LRBA: variants seen among roughly 807,000 people sequenced by gnomAD.
LRBA encodes LPS responsive beige-like anchor protein.
A neutral mutation model predicts 330.0 loss-of-function variants in LRBA; 176 were observed. That is an observed-to-expected ratio of 0.53 (90% CI 0.47 to 0.60). The LOEUF is 0.60. Ranked by LOEUF, LRBA falls within the 20% of genes least tolerant of loss-of-function variation. The pLI, the probability that LRBA is intolerant of heterozygous loss-of-function variation, is 0.00. For missense variants in LRBA, 3,259 were observed against 3,444.8 expected (o/e 0.95, Z 1.35); for synonymous variants, 1,230 against 1,193.0 (o/e 1.03, Z -0.64).
intron 37 of LRBA, chr4:150,679,613 G>A (rs1031678728): frequency 2.6e-5 from 4 of 152,156 alleles, no homozygotes; most frequent in African/African-American, 9.7e-5. Flanking sequence ...ACAGAAAAAA[G>A]ATGAATGTCT....
At chr4:150,967,313 G>A (rs1050082152) in intron 2 of LRBA, among the ~76,000 whole-genome samples, 2 of 152,138 alleles carry the variant, frequency 1.3e-5, no homozygotes, top group African/African-American at 4.8e-5. Context: ...AACGCAAAAT[G>A]TCAAAAAGTC....
intron 32 of LRBA, among the ~76,000 whole-genome samples, chr4:150,807,985 C>T (rs1032418221): frequency 1.3e-5 from 2 of 152,064 alleles, no homozygotes; most frequent in Non-Finnish European, 2.9e-5. Context: ...ACAACAAATT[C>T]CACACTTTCA....
At chr4:150,950,404 C>G (rs182805670) in intron 2 of LRBA, among the ~76,000 whole-genome samples, 4 of 152,012 alleles carry the variant, frequency 2.6e-5, no homozygotes, top group Admixed American at 6.6e-5. Flanking sequence ...TACTTCAGTA[C>G]CCCAAATATT....
intron 38 of LRBA, among the ~76,000 whole-genome samples, chr4:150,597,846 A>G (rs1304905594): frequency 6.6e-6 from 1 of 152,106 alleles, no homozygotes; most frequent in Non-Finnish European, 1.5e-5. Context: ...CCTGTAGTTG[A>G]AGATGTAGGG....
intron 52 of LRBA, among the ~76,000 whole-genome samples, chr4:150,305,659 G>GT (rs1201007492): frequency 1.3e-5 from 2 of 152,186 alleles, no homozygotes; most frequent in Non-Finnish European, 1.5e-5. Context: ...TTTACACTGG[G>GT]TGTCAGGGAA....
At chr4:150,388,702 C>T (rs970057841) in intron 47 of LRBA, among the ~76,000 whole-genome samples, 3 of 152,168 alleles carry the variant, frequency 2.0e-5, no homozygotes, top group East Asian at 1.9e-4. Context: ...AGTGCTTAAA[C>T]TAGTTCATGA....
chr4:150,312,749 C>T (rs1313886347), intron 51 of LRBA, among the ~76,000 whole-genome samples: 1 of 151,798 alleles, frequency 6.6e-6, no homozygotes, highest in Non-Finnish European at 1.5e-5. Flanking sequence ...AATAATAAAC[C>T]ATAAAAATAA....
At chr4:150,572,854 C>CCATA (rs1581710366) in intron 40 of LRBA, among the ~76,000 whole-genome samples, 3 of 152,160 alleles carry the variant, frequency 2.0e-5, no homozygotes, top group Non-Finnish European at 4.4e-5. Flanking sequence ...CACCCATTAC[C>CCATA]CATACTACAA....
At chr4:150,269,936 C>A (rs1483940542) in intron 56 of LRBA, among the ~76,000 whole-genome samples, 1 of 152,050 alleles carries the variant, frequency 6.6e-6, no homozygotes, top group African/African-American at 2.4e-5. Context: ...AGAGTGAGAC[C>A]CTGTCTCAAA....
At chr4:150,759,472 T>C (rs1291409003) in intron 35 of LRBA, among the ~76,000 whole-genome samples, 1 of 152,230 alleles carries the variant, frequency 6.6e-6, no homozygotes, top group Non-Finnish European at 1.5e-5. Context: ...TGCTTTTCCA[T>C]ACATGCCCCT....
intron 30 of LRBA, among the ~76,000 whole-genome samples, chr4:150,817,472 T>G (rs190754479): frequency 1.3e-5 from 2 of 152,168 alleles, no homozygotes; most frequent in Admixed American, 1.3e-4. Context: ...AATAATCTAT[T>G]TAACATTTAA....
At chr4:150,461,998 C>T (rs1181712474) in intron 44 of LRBA, among the ~76,000 whole-genome samples, 1 of 151,756 alleles carries the variant, frequency 6.6e-6, no homozygotes, top group African/African-American at 2.4e-5. Flanking sequence ...TACTGAAAAA[C>T]TCAGCCATCA....
intron 2 of LRBA, among the ~76,000 whole-genome samples, chr4:151,005,076 C>T (rs766573559): frequency 6.6e-6 from 1 of 151,410 alleles, no homozygotes; most frequent in Non-Finnish European, 1.5e-5. Flanking sequence ...AGATGTTAAA[C>T]TTACACAAAC....
intron 40 of LRBA, among the ~76,000 whole-genome samples, chr4:150,564,018 G>C (rs1282227041): frequency 6.6e-6 from 1 of 152,168 alleles, no homozygotes; most frequent in East Asian, 1.9e-4. Context: ...TTTCTTCACA[G>C]AGTTAGAAAA....
intron 40 of LRBA, among the ~76,000 whole-genome samples, chr4:150,497,649 A>C (rs1581492398): frequency 1.3e-5 from 2 of 152,172 alleles, no homozygotes; most frequent in East Asian, 3.8e-4. Context: ...CTAATGTTCT[A>C]CTTGGCAGTT....
rs916718241 is a variant in LRBA at position 150,860,326 on chromosome 4, C to T, written c.2766+7345G>A. Among the ~76,000 whole-genome samples, 4 of 152,134 alleles carry T rather than the reference C, an allele frequency of 2.6e-5. No homozygotes were observed. The East Asian group carries it at 5.8e-4, about 22-fold the overall frequency. On this transcript the variant is annotated intron_variant, in intron 22 of 56. Coordinates refer to ENST00000651943, the MANE Select transcript of LRBA (RefSeq NM_001364905.1). ...TTTAGCATGTATTTTTAAAAGTATA[C>T]TTTGACAGCAAAAAGTGGTAGGTCT...
chr4:150,308,881 A>C (rs910872249), intron 52 of LRBA, among the ~76,000 whole-genome samples: 11 of 152,296 alleles, frequency 7.2e-5, no homozygotes, highest in Non-Finnish European at 1.5e-4. Flanking sequence ...TTTATAAAGT[A>C]AAAAAGCTTC....
chr4:150,921,395 T>G (rs746953672), intron 4 of LRBA, 102 bp from the exon 5 acceptor site: 4 of 714,232 alleles, frequency 5.6e-6, no homozygotes, highest in Non-Finnish European at 1.0e-5. Flanking sequence ...GGAATAATGC[T>G]ATAAGGTTAA....
At chr4:150,381,004 AAAAAG>A (rs1449486429) in intron 47 of LRBA, among the ~76,000 whole-genome samples, 13 of 151,398 alleles carry the variant, frequency 8.6e-5, no homozygotes, top group African/African-American at 3.1e-4. Flanking sequence ...AAAAAAAAAA[AAAAAG>A]TATATTTTGT....
Sources: allele counts gnomAD v4.1 joint callset (sites outside exome capture counted in the v4.1 genomes callset), GRCh38; gene constraint gnomAD v4.1.1; transcripts MANE v1.5; gene names NCBI Gene and HGNC (gene_info 2026-07-23, HGNC 2026-07-21).